Variants in EIF4E3 observed in about 807,000 individuals in gnomAD.
EIF4E3 encodes eukaryotic translation initiation factor 4E type 3.
Under a neutral mutation model 31.7 loss-of-function variants are expected in EIF4E3, and 26 were observed. The ratio of observed to expected loss-of-function variants is 0.82; its 90% CI spans 0.60 to 1.14. The LOEUF (loss-of-function observed/expected upper bound fraction) is 1.14. EIF4E3 is among the 50% of genes most tolerant of loss of function. The pLI is 0.00. For synonymous variants in EIF4E3, 128 were observed against 107.7 expected (o/e 1.19, Z -1.17); for missense variants, 304 against 270.9 (o/e 1.12, Z -0.86).
chr3:71,689,900 A>T, intron 6 of EIF4E3, 110 bp downstream of exon 6: 1 of 1,078,710 alleles, frequency 9.3e-7, no homozygotes, highest in Non-Finnish European at 1.2e-6. Context: ...TATTTTCTGA[A>T]TTATCAAATT....
At chr3:71,661,118 G>A in the EIF4E3 span, among the ~76,000 whole-genome samples, 37,497 of 150,216 alleles carry the variant, frequency 0.25, 8,572 homozygotes, top group African/African-American at 0.62. Context: ...TATAATAATT[G>A]TTATTGTTAT....
In EIF4E3 at chr3:71,684,370, G is replaced by T; in HGVS notation, c.*312C>A. On this transcript the variant is annotated 3_prime_UTR_variant, in exon 7 of 7. Transcript: ENST00000425534. ...GGGGAGTGTAGAAAACAATAATTAG[G>T]CTGAATAAGGAATTTTAAACGGCAA... 3.7e-6 allele frequency: 1 copy of T among 273,362 alleles called. No homozygotes were observed. Among genetic ancestry groups the T allele is most frequent in the Non-Finnish European group, 6.9e-6 (1 of 145,394 alleles). 16.9% of individuals were successfully genotyped at this position (273,362 alleles called of 1,614,324 possible).
intron 2 of EIF4E3, among the ~76,000 whole-genome samples, chr3:71,707,939 A>G (rs905636821): frequency 6.8e-6 from 1 of 146,246 alleles, no homozygotes; most frequent in African/African-American, 2.6e-5. Flanking sequence ...CCCAGGCTGG[A>G]GGGCAGTGCA....
intron 6 of EIF4E3, among the ~76,000 whole-genome samples, chr3:71,687,776 TC>T (rs2049013338): frequency 6.6e-6 from 1 of 152,228 alleles, no homozygotes; most frequent in Admixed American, 6.5e-5. Flanking sequence ...ATGCTTGGGT[TC>T]TTTCTACATG....
At position 71,716,140 on chromosome 3, in the gene EIF4E3, G is replaced by A. The variant is rs148317381; in HGVS notation, c.177-5656C>T. On this transcript the variant is annotated intron_variant, in intron 1 of 6. Coordinates refer to ENST00000425534, the MANE Select transcript of EIF4E3 (RefSeq NM_001134651.2). ...CACAGAGGTGGAGGTGCAGGAAAGCGCTAGATGCCACTAGAATCCCTGGCA... is the reference window on the plus strand; with the variant it reads ...CACAGAGGTGGAGGTGCAGGAAAGCACTAGATGCCACTAGAATCCCTGGCA... Among the ~76,000 whole-genome samples, 4 of 152,250 alleles carry A rather than the reference G, an allele frequency of 2.6e-5. No homozygotes were observed. In the East Asian group the frequency reaches 5.8e-4, roughly 22 times the overall value.
rs1029426989 is a variant in EIF4E3, at chr3:71,678,072, G to A, written c.*6610C>T. 1.3e-5 allele frequency: 2 copies of A among 152,140 alleles called. No homozygotes were observed. The highest frequency in any genetic ancestry group is 2.4e-5 in the African/African-American group (1 of 41,450). 9.4% of individuals were successfully genotyped at this position (152,140 alleles called of 1,614,324 possible). A position where few individuals can be genotyped will look rare whatever the true frequency, so the allele number is the denominator to read the frequency against. ...TAACCTACTAAGCGTCAGACTCCATGCTAGCAGCGTCACACATATTAGAGG... is the reference window on the plus strand; with the variant it reads ...TAACCTACTAAGCGTCAGACTCCATACTAGCAGCGTCACACATATTAGAGG... On this transcript the variant is annotated 3_prime_UTR_variant, in exon 7 of 7. Coordinates refer to ENST00000425534, the MANE Select transcript of EIF4E3 (RefSeq NM_001134651.2).
chr3:71,684,869 T>C, intron 6 of EIF4E3, 141 bp from the exon 7 acceptor site: 1 of 783,274 alleles, frequency 1.3e-6, no homozygotes, highest in East Asian at 2.7e-5. Context: ...TTATTTATTT[T>C]TTTGCCAGTA....
intron 2 of EIF4E3, among the ~76,000 whole-genome samples, chr3:71,707,618 C>T (rs570836808): frequency 6.6e-6 from 1 of 152,110 alleles, no homozygotes; most frequent in Non-Finnish European, 1.5e-5. Flanking sequence ...ACTGTTCCCC[C>T]CTTAGGCCCT....
intron 1 of EIF4E3, among the ~76,000 whole-genome samples, chr3:71,744,613 C>CA (rs2049852859): frequency 6.6e-6 from 1 of 152,128 alleles, no homozygotes; most frequent in African/African-American, 2.4e-5. Context: ...GGCATGGTGG[C>CA]ACGTGCCTGT....
chr3:71,711,539 C>T (rs1231746845), intron 1 of EIF4E3, among the ~76,000 whole-genome samples: 1 of 152,186 alleles, frequency 6.6e-6, no homozygotes, highest in Non-Finnish European at 1.5e-5. Flanking sequence ...TAAAACACTG[C>T]ACACTAGAGA....
Position 71,690,156 on chromosome 3 carries a change from A to G in EIF4E3, c.482T>C (p.Val161Ala). The G allele has an allele frequency of 6.2e-7, 1 of 1,608,188 alleles. No homozygotes were observed. Among genetic ancestry groups the G allele is most frequent in the Non-Finnish European group, 8.5e-7 (1 of 1,177,718 alleles). ...FTDCAAADDEVIGVSVSVRDR... is the reference protein window; with the variant it reads ...FTDCAAADDEAIGVSVSVRDR... ...CCGAACACTGACACTAACTCCTATT[A>G]CTTCATCATCTGAGGGGAAGACAGG... is the stretch of plus-strand genomic sequence containing the variant. Residue 161 changes from valine to alanine, a missense_variant, in exon 6 of 7, where the codon GTA becomes GCA. Physicochemically the swap from Val to Ala is moderately conservative, Grantham distance 64 (BLOSUM62 0). Transcript: ENST00000425534.
chr3:71,710,311 C>T, intron 2 of EIF4E3, 101 bp downstream of exon 2: 1 of 1,362,938 alleles, frequency 7.3e-7, no homozygotes, highest in Non-Finnish European at 1.0e-6. Context: ...CAGAGCAGAA[C>T]CCTGGACAGG....
intron 6 of EIF4E3, 39 bp from the exon 7 acceptor site, chr3:71,684,767 A>C: frequency 1.9e-6 from 3 of 1,607,740 alleles, no homozygotes; most frequent in Non-Finnish European, 2.5e-6. Flanking sequence ...AAAAAAGGAA[A>C]GAAAACTTTA....
At chr3:71,668,686 C>A in the EIF4E3 span, among the ~76,000 whole-genome samples, 1 of 152,116 alleles carries the variant, frequency 6.6e-6, no homozygotes, top group Non-Finnish European at 1.5e-5. Context: ...AAATCAAAAC[C>A]ACAATGAGAC....
At position 71,689,955 on chromosome 3, in the gene EIF4E3, T is replaced by C. The variant is rs2049040557; in HGVS notation, c.628+55A>G. 8.5e-6 allele frequency: 12 copies of C among 1,411,746 alleles called. No homozygotes were observed. In the South Asian group the frequency reaches 2.1e-4, roughly 25 times the overall value. The allele number at this position is 1,411,746 out of a possible 1,614,324, so 87.5% of individuals were successfully genotyped here. On this transcript the variant is annotated intron_variant, in intron 6 of 6. Coordinates refer to ENST00000425534, the MANE Select transcript of EIF4E3 (RefSeq NM_001134651.2). ...CCACATTTGCAAAACAGTTTCTATC[T>C]TTAAAAGTATGATAGAGTAAGCTAG...
chr3:71,713,235 A>G (rs2049410245), intron 1 of EIF4E3, among the ~76,000 whole-genome samples: 2 of 152,174 alleles, frequency 1.3e-5, no homozygotes, highest in Admixed American at 1.3e-4. Flanking sequence ...GCTGGTACTT[A>G]GAGAGGTTTG....
chr3:71,667,789 G>T, the EIF4E3 span, among the ~76,000 whole-genome samples: 1 of 152,182 alleles, frequency 6.6e-6, no homozygotes, highest in East Asian at 1.9e-4. Context: ...CCCTGCTCAT[G>T]AATAGGAAGA....
chr3:71,691,251 T>C (rs1327021614), intron 5 of EIF4E3, among the ~76,000 whole-genome samples: 2 of 152,232 alleles, frequency 1.3e-5, no homozygotes, highest in Non-Finnish European at 1.5e-5. Context: ...TCTGTAAATC[T>C]AAATATTCAT....
At chr3:71,713,522 G>A (rs910456933) in intron 1 of EIF4E3, among the ~76,000 whole-genome samples, 5 of 151,720 alleles carry the variant, frequency 3.3e-5, no homozygotes, top group Admixed American at 6.6e-5. Flanking sequence ...CTGTATTCTC[G>A]ACCTCCTGGG....
Sources: gnomAD v4.1 joint callset for allele counts (sites outside exome capture counted in the v4.1 genomes callset) on GRCh38, gnomAD v4.1.1 for gene constraint, MANE v1.5 for transcripts, NCBI Gene and HGNC (gene_info 2026-07-23, HGNC 2026-07-21) for gene names.